PRUNE2: variants seen among roughly 807,000 people sequenced by gnomAD.
PRUNE2 encodes protein prune homolog 2.
Under a neutral mutation model 252.0 loss-of-function variants are expected in PRUNE2, and 164 were observed. The observed-to-expected ratio is 0.65, with a 90% CI of 0.57 to 0.74. The LOEUF (loss-of-function observed/expected upper bound fraction) is 0.74. Ranked by LOEUF, PRUNE2 falls within the 30% of genes least tolerant of loss-of-function variation. The pLI, the probability that PRUNE2 is intolerant of heterozygous loss-of-function variation, is 0.00. For synonymous variants in PRUNE2, 1,292 were observed against 1,350.2 expected, an observed-to-expected ratio of 0.96 and a Z score of 0.94; for missense variants, 3,495 against 3,711.0, an observed-to-expected ratio of 0.94 and a Z score of 1.51.
At chr9:76,633,491 G>T (rs1838627757) in intron 15 of PRUNE2, among the ~76,000 whole-genome samples, 1 of 150,704 alleles carries the variant, frequency 6.6e-6, no homozygotes. Context: ...TTAGGTGGGA[G>T]AATCACTTGA....
chr9:76,664,022 T>C (rs2039652144), intron 9 of PRUNE2, among the ~76,000 whole-genome samples: 1 of 152,200 alleles, frequency 6.6e-6, no homozygotes, highest in African/African-American at 2.4e-5. Context: ...ACATCCTACC[T>C]TCTCTGTGAC....
chr9:76,835,176 T>C (rs2058887913), intron 4 of PRUNE2, among the ~76,000 whole-genome samples: 3 of 152,166 alleles, frequency 2.0e-5, no homozygotes, highest in Admixed American at 6.5e-5. Flanking sequence ...CCAAAAGCAA[T>C]TGCAGTGCAT....
chr9:76,850,722 T>C (rs2059912555), intron 2 of PRUNE2, 57 bp from the exon 3 acceptor site: 1 of 1,304,716 alleles, frequency 7.7e-7, no homozygotes, highest in Admixed American at 1.7e-5. Context: ...AGAATACAAT[T>C]ACATTTTCTC....
intron 6 of PRUNE2, among the ~76,000 whole-genome samples, chr9:76,772,072 T>C (rs990051575): frequency 6.6e-6 from 1 of 152,190 alleles, no homozygotes; most frequent in Non-Finnish European, 1.5e-5. Flanking sequence ...AATCCTGGAA[T>C]TCCACTCCTG....
At chr9:76,632,057 C>G (rs1239288277) in intron 15 of PRUNE2, among the ~76,000 whole-genome samples, 1 of 152,190 alleles carries the variant, frequency 6.6e-6, no homozygotes, top group Non-Finnish European at 1.5e-5. Flanking sequence ...TAATGGGCAT[C>G]TAGGTTGATT....
chr9:76,685,107 A>G (rs2134306916), intron 9 of PRUNE2, among the ~76,000 whole-genome samples: 2 of 152,292 alleles, frequency 1.3e-5, no homozygotes, highest in Non-Finnish European at 2.9e-5. Flanking sequence ...TTCTCTTAAG[A>G]CTCAGCTTCC....
At chr9:76,636,718 A>T (rs1387685643) in intron 14 of PRUNE2, among the ~76,000 whole-genome samples, 161 bp from the exon 15 acceptor site, 1 of 152,118 alleles carries the variant, frequency 6.6e-6, no homozygotes, top group Non-Finnish European at 1.5e-5. Flanking sequence ...CAGGCAGATC[A>T]CCTGAGGTCA....
intron 6 of PRUNE2, among the ~76,000 whole-genome samples, chr9:76,773,536 C>T (rs112838418): frequency 0.032 from 4,794 of 151,304 alleles, 227 homozygotes; most frequent in African/African-American, 0.1. Context: ...CTCCACCTCC[C>T]GGGTTCAAGG....
intron 6 of PRUNE2, among the ~76,000 whole-genome samples, chr9:76,813,396 A>G (rs2057483155): frequency 6.6e-6 from 1 of 152,066 alleles, no homozygotes; most frequent in African/African-American, 2.4e-5. Context: ...AGAATTGCTG[A>G]CCCCTTGTCT....
chr9:76,767,240 T>G (rs2052508748), intron 6 of PRUNE2, among the ~76,000 whole-genome samples: 2 of 152,224 alleles, frequency 1.3e-5, no homozygotes, highest in African/African-American at 4.8e-5. Flanking sequence ...TCACTTGAGG[T>G]CGGGAGTTCA....
chr9:76,781,889 G>A (rs2054444801), intron 6 of PRUNE2, among the ~76,000 whole-genome samples: 1 of 152,196 alleles, frequency 6.6e-6, no homozygotes. Context: ...TCAGAATACA[G>A]GTAGGCAAGG....
chr9:76,730,229 G>A (rs577269377), intron 6 of PRUNE2, among the ~76,000 whole-genome samples: 40 of 152,280 alleles, frequency 2.6e-4, no homozygotes, highest in African/African-American at 7.7e-4. Context: ...TAAGGTTATC[G>A]ATGAGTATAC....
intron 6 of PRUNE2, chr9:76,786,064 T>G (rs1408861425): frequency 1.3e-5 from 2 of 152,330 alleles, no homozygotes; most frequent in East Asian, 3.9e-4. Flanking sequence ...TTGCATTAGG[T>G]CTCAGCTGGG....
rs144425320 is a variant in PRUNE2, at chr9:76,896,440, T to C, written c.36+9488A>G. 4.6e-3 allele frequency among the ~76,000 whole-genome samples: 699 copies of C among 152,272 alleles called. 5 individuals carry two copies. Among genetic ancestry groups the C allele is most frequent in the African/African-American group, 0.016 (654 of 41,564 alleles). On this transcript the variant is annotated intron_variant, in intron 1 of 18. Transcript: ENST00000376718. ...CCCAATTCCTAGTTTTGGGGTAACT[T>C]TGGGTTGGCTGATGTGCCAGGGAAG...
intron 1 of PRUNE2, among the ~76,000 whole-genome samples, chr9:76,854,478 C>A (rs2132640360): frequency 6.6e-6 from 1 of 152,214 alleles, no homozygotes; most frequent in Admixed American, 6.5e-5. Flanking sequence ...TGAACTGTAT[C>A]TCTGAGTCGT....
intron 9 of PRUNE2, among the ~76,000 whole-genome samples, chr9:76,688,955 T>A (rs895908996): frequency 6.6e-6 from 1 of 152,162 alleles, no homozygotes; most frequent in Non-Finnish European, 1.5e-5. Context: ...TCTCCCAACC[T>A]ATTGAAATCT....
Position 76,708,224 on chromosome 9 carries a change from C to A in PRUNE2, c.4050G>T (p.Glu1350Asp), listed in dbSNP as rs1342198946. 6.2e-7 allele frequency: 1 copy of A among 1,613,852 alleles called. No homozygotes were observed. Among genetic ancestry groups the A allele is most frequent in the African/African-American group, 1.3e-5 (1 of 74,924 alleles). The change falls in exon 8 of 19, where the codon GAG (glutamate) becomes GAT (aspartate). Residue 1350 changes from glutamate to aspartate, a missense_variant. Transcript: ENST00000376718. Reference protein sequence around the residue: ...DEEEVIASGVENASGISEKGQ... With the variant: ...DEEEVIASGVDNASGISEKGQ... ...CTTTTTCAGAAATCCCTGAGGCATT[C>A]TCCACACCAGAGGCGATCACCTCCT...
At chr9:76,638,396 A>G (rs1472200301) in intron 12 of PRUNE2, 108 bp from the exon 13 acceptor site, 2 of 712,256 alleles carry the variant, frequency 2.8e-6, no homozygotes, top group East Asian at 5.4e-5. Flanking sequence ...CTTTGTGGGT[A>G]TATTAGCAGC....
chr9:76,893,610 T>C (rs1446059223), intron 1 of PRUNE2, among the ~76,000 whole-genome samples: 1 of 152,242 alleles, frequency 6.6e-6, no homozygotes, highest in African/African-American at 2.4e-5. Flanking sequence ...AAACCCTTTG[T>C]GTATGAATTG....
Sources: gnomAD v4.1 joint callset for allele counts (sites outside exome capture counted in the v4.1 genomes callset) on GRCh38, gnomAD v4.1.1 for gene constraint, MANE v1.5 for transcripts, NCBI Gene and HGNC (gene_info 2026-07-23, HGNC 2026-07-21) for gene names.